The following AGAP1 variants were observed in gnomAD, a reference collection of about 807,000 sequenced individuals.
The protein encoded by AGAP1 is ArfGAP with GTPase domain, ankyrin repeat and PH domain 1.
AGAP1 carries 29 observed loss-of-function variants against 105.3 expected under a neutral mutation model. The observed-to-expected ratio is 0.28, with a 90% confidence interval of 0.21 to 0.38. The LOEUF (loss-of-function observed/expected upper bound fraction) is 0.38. Ranked by LOEUF, AGAP1 falls within the 10% of genes least tolerant of loss-of-function variation. AGAP1 has a pLI of 1.00. For missense variants in AGAP1, 998 were observed against 1,165.1 expected (o/e 0.86, Z 2.09); for synonymous variants, 509 against 485.9 (o/e 1.05, Z -0.63).
At position 235,635,667 on chromosome 2, in the gene AGAP1, A is replaced by T. The variant is rs1946973341; in HGVS notation, c.164-73512A>T. ...GAGTTAGCCATGGCACCTTCTCCAA[A>T]GCTGCCTCGCTCCTGCACTGATGCT... On this transcript the variant is annotated intron_variant, in intron 1 of 17. Transcript: ENST00000304032. The surrounding 1 kb of genome is among the most constrained non-coding windows in gnomAD (Gnocchi z 5.3). 6.6e-6 allele frequency among the ~76,000 whole-genome samples: 1 copy of T among 152,010 alleles called. No homozygotes were observed. The highest frequency in any genetic ancestry group is 2.4e-5 in the African/African-American group (1 of 41,380).
At chr2:235,499,744 C>G (rs1197742925) in intron 1 of AGAP1, among the ~76,000 whole-genome samples, 1 of 152,154 alleles carries the variant, frequency 6.6e-6, no homozygotes, top group Non-Finnish European at 1.5e-5. Flanking sequence ...TAAGGCCCTC[C>G]TGGTCTCTGC....
intron 6 of AGAP1, among the ~76,000 whole-genome samples, chr2:235,763,506 T>C (rs1313419198): frequency 6.6e-6 from 1 of 152,192 alleles, no homozygotes; most frequent in Non-Finnish European, 1.5e-5. Flanking sequence ...CTTCCGTGCA[T>C]GGTTTTCTTT....
chr2:235,983,227 C>T lies in AGAP1; in HGVS notation c.1645+14604C>T, dbSNP rs1051918900. On this transcript the variant is annotated intron_variant, in intron 13 of 17. Coordinates refer to ENST00000304032, the MANE Select transcript of AGAP1 (RefSeq NM_001037131.3). This position sits in a 1 kb window ranked among gnomAD's most constrained non-coding sequence, Gnocchi z 4.5. ...GGGGAGCTGCAGGAGGGTCTCTTTA[C>T]AGGTGTGCAAAGGACCAGCGCTGCT... Among the ~76,000 whole-genome samples, 31 of 152,146 alleles carry T rather than the reference C, an allele frequency of 2.0e-4. No individual in the cohort carries two copies. The highest frequency in any genetic ancestry group is 6.0e-4 in the African/African-American group (25 of 41,524).
rs2058180477 is a variant in AGAP1 at position 236,061,034 on chromosome 2, G to C, written c.2114+11753G>C. Among the ~76,000 whole-genome samples, 3 of 152,184 alleles carry C rather than the reference G, an allele frequency of 2.0e-5. No individual in the cohort carries two copies. Among genetic ancestry groups the C allele is most frequent in the Admixed American group, 2.0e-4 (3 of 15,288 alleles). ...GCCGTTATCACGTCACTCCACTCTA[G>C]CCTGGATAACAGAACAAGACCTCGT... On this transcript the variant is annotated intron_variant, in intron 16 of 17. Transcript: ENST00000304032. This position sits in a 1 kb window ranked among gnomAD's most constrained non-coding sequence, Gnocchi z 4.1.
chr2:235,975,829 GA>G (rs1317157044), intron 13 of AGAP1, among the ~76,000 whole-genome samples: 2 of 152,142 alleles, frequency 1.3e-5, no homozygotes, highest in Non-Finnish European at 2.9e-5. Flanking sequence ...AGCTACCCAG[GA>G]AAGGGAACGA....
At chr2:235,515,716 C>CA (rs1942350474) in intron 1 of AGAP1, among the ~76,000 whole-genome samples, 1 of 152,202 alleles carries the variant, frequency 6.6e-6, no homozygotes, top group South Asian at 2.1e-4. Flanking sequence ...TGACTTTTGA[C>CA]ACGGATGCTA....
Position 235,724,070 on chromosome 2 carries a change from C to T in AGAP1, c.310+6426C>T, listed in dbSNP as rs1167015654. Among the ~76,000 whole-genome samples, 2 of 152,220 alleles carry T rather than the reference C, an allele frequency of 1.3e-5. No homozygotes were observed. The highest frequency in any genetic ancestry group is 2.1e-4 in the South Asian group (1 of 4,832). ...GCCTTAGCCAGGCATGATGTGGGAG[C>T]GTTGGCCCTGGCATTCCCGGGTCTT... On this transcript the variant is annotated intron_variant, in intron 3 of 17. Transcript: ENST00000304032. The surrounding 1 kb of genome is among the most constrained non-coding windows in gnomAD (Gnocchi z 4.9).
At position 235,750,465 on chromosome 2, in the gene AGAP1, A is replaced by G; in HGVS notation, c.650A>G (p.Asn217Ser). 1 of 1,614,226 alleles carries G rather than the reference A, an allele frequency of 6.2e-7. No individual in the cohort carries two copies. Among genetic ancestry groups the G allele is most frequent in the Non-Finnish European group, 8.5e-7 (1 of 1,180,028 alleles). The change falls in exon 6 of 18, where the codon AAT becomes AGT. Residue 217 changes from asparagine (N) to serine (S), a missense_variant. Around this residue, in one of 3 missense-constraint regions of AGAP1, gnomAD observed 735 missense variants for 833.4 expected, o/e 0.88. Coordinates refer to ENST00000304032, the MANE Select transcript of AGAP1 (RefSeq NM_001037131.3). The surrounding 1 kb of genome is among the most constrained non-coding windows in gnomAD (Gnocchi z 5.3). The part of the protein sequence containing the change: ...YYETCATYGL[N>S]VERVFQDVAQ... Reference sequence around the variant, plus strand: ...GAGACGTGTGCTACATACGGGCTGAATGTGGAGAGGGTCTTCCAGGACGGT... The same window carrying G: ...GAGACGTGTGCTACATACGGGCTGAGTGTGGAGAGGGTCTTCCAGGACGGT...
At position 236,032,162 on chromosome 2, in the gene AGAP1, CTT is replaced by C. The variant is rs1166220455; in HGVS notation, c.1646-4397_1646-4396del. 2.0e-5 allele frequency among the ~76,000 whole-genome samples: 3 copies of C among 152,298 alleles called. No homozygotes were observed. The East Asian group carries it at 5.8e-4, about 29-fold the overall frequency. ...AGTTTATCTGCTATCCCCCAAAACTCTTTGCTTTCACAATTTGGTAAGCAGAC... is the reference window on the plus strand; with the variant it reads ...AGTTTATCTGCTATCCCCCAAAACTCTGCTTTCACAATTTGGTAAGCAGAC... On this transcript the variant is annotated intron_variant, in intron 13 of 17. Transcript: ENST00000304032.
chr2:235,851,779 G>T (rs2048471457), intron 9 of AGAP1, among the ~76,000 whole-genome samples: 1 of 152,130 alleles, frequency 6.6e-6, no homozygotes, highest in Non-Finnish European at 1.5e-5. Context: ...AAATCTGGGG[G>T]CTTTGGTAGC....
At chr2:235,844,954 G>A (rs548831826) in intron 9 of AGAP1, among the ~76,000 whole-genome samples, 19 of 152,140 alleles carry the variant, frequency 1.2e-4, no homozygotes, top group East Asian at 3.9e-4. Context: ...TACCTTTGCC[G>A]CCTCCCCCAC....
intron 1 of AGAP1, among the ~76,000 whole-genome samples, chr2:235,605,669 A>G (rs531474566): frequency 1.3e-5 from 2 of 152,380 alleles, no homozygotes; most frequent in South Asian, 4.1e-4. Flanking sequence ...TTTTAGACTC[A>G]TTCTCCATCA....
At chr2:235,798,154 G>A (rs941449186) in intron 7 of AGAP1, among the ~76,000 whole-genome samples, 7 of 152,024 alleles carry the variant, frequency 4.6e-5, no homozygotes, top group African/African-American at 1.7e-4. Flanking sequence ...TGCAGTCCTC[G>A]CTGGTGATTT....
At chr2:236,006,002 G>A (rs2056310223) in intron 13 of AGAP1, among the ~76,000 whole-genome samples, 5 of 152,100 alleles carry the variant, frequency 3.3e-5, no homozygotes, top group Admixed American at 2.0e-4. Flanking sequence ...TTGAGGGTGG[G>A]GTGTCTATGT....
rs2125758023 is a variant in AGAP1 at position 236,061,536 on chromosome 2, G to GT, written c.2114+12256dup. ...ATTCTGCCATGGGAAGGAGTGAAGTGTGGATACAGGTTGTAACGTGGGTGA... is the reference window on the plus strand; with the variant it reads ...ATTCTGCCATGGGAAGGAGTGAAGTGTTGGATACAGGTTGTAACGTGGGTGA... On this transcript the variant is annotated intron_variant, in intron 16 of 17. Coordinates refer to ENST00000304032, the MANE Select transcript of AGAP1 (RefSeq NM_001037131.3). The surrounding 1 kb of genome is among the most constrained non-coding windows in gnomAD (Gnocchi z 4.1). 6.6e-6 allele frequency among the ~76,000 whole-genome samples: 1 copy of GT among 152,286 alleles called. No homozygotes were observed. The highest frequency in any genetic ancestry group is 2.4e-5 in the African/African-American group (1 of 41,552).
At chr2:235,952,476 G>C (rs1391477362) in intron 12 of AGAP1, among the ~76,000 whole-genome samples, 1 of 152,128 alleles carries the variant, frequency 6.6e-6, no homozygotes, top group Non-Finnish European at 1.5e-5. Context: ...AGGTGCCCCA[G>C]GCAGCTCATG....
At position 235,633,310 on chromosome 2, in the gene AGAP1, C is replaced by T. The variant is rs1398204362; in HGVS notation, c.164-75869C>T. Among the ~76,000 whole-genome samples the T allele has an allele frequency of 2.6e-5, 4 of 151,964 alleles. No homozygotes were observed. Among genetic ancestry groups the T allele is most frequent in the South Asian group, 2.1e-4 (1 of 4,812 alleles). ...TGGAATTGGACAAATAGGGCATGAGCGGGCCGGGCGTGGTGGCTCATGCCT... is the reference window on the plus strand; with the variant it reads ...TGGAATTGGACAAATAGGGCATGAGTGGGCCGGGCGTGGTGGCTCATGCCT... On this transcript the variant is annotated intron_variant, in intron 1 of 17. Transcript: ENST00000304032. This position sits in a 1 kb window ranked among gnomAD's most constrained non-coding sequence, Gnocchi z 4.8.
chr2:235,984,234 C>T (rs1363145174), intron 13 of AGAP1, among the ~76,000 whole-genome samples: 1 of 152,166 alleles, frequency 6.6e-6, no homozygotes, highest in Non-Finnish European at 1.5e-5. Flanking sequence ...TGTCTGTACA[C>T]CATTCTTTTT....
chr2:236,123,838 A>T lies in AGAP1; in HGVS notation c.2371-81A>T. On this transcript the variant is annotated intron_variant, in intron 17 of 17. Coordinates refer to ENST00000304032, the MANE Select transcript of AGAP1 (RefSeq NM_001037131.3). This position sits in a 1 kb window ranked among gnomAD's most constrained non-coding sequence, Gnocchi z 4.6. ...CGCTGTCCAAGCACAAGCCACATGC[A>T]AGGGCTGAGAGAAAGCTTCCCTGCC... 3 of 1,549,052 alleles carry T rather than the reference A, an allele frequency of 1.9e-6. No individual in the cohort carries two copies. The highest frequency in any genetic ancestry group is 2.6e-6 in the Non-Finnish European group (3 of 1,134,336).
Sources: allele counts gnomAD v4.1 joint callset (sites outside exome capture counted in the v4.1 genomes callset), GRCh38; gene constraint gnomAD v4.1.1; regional missense constraint gnomAD v4.1.1; non-coding constraint Gnocchi (gnomAD v3.1); transcripts MANE v1.5; gene names NCBI Gene and HGNC (gene_info 2026-07-23, HGNC 2026-07-21).